Variants in SORL1 observed in about 807,000 individuals in gnomAD.
SORL1 encodes the protein sortilin-related receptor.
In SORL1, 127 loss-of-function variants were observed where a neutral mutation model predicts 273.7. The ratio of observed to expected loss-of-function variants is 0.46; its 90% CI spans 0.40 to 0.54. The LOEUF (loss-of-function observed/expected upper bound fraction) is 0.54, where lower values mean the gene tolerates loss of function less well. Ranked by LOEUF, SORL1 falls within the 20% of genes least tolerant of loss-of-function variation. The probability of loss-of-function intolerance (pLI) is 0.00; values close to 1 mark genes in which losing one functional copy is unlikely to be tolerated. For synonymous variants in SORL1, 1,031 were observed against 1,067.4 expected (o/e 0.97, Z 0.66); for missense variants, 2,494 against 2,846.1 (o/e 0.88, Z 2.81).
intron 1 of SORL1, among the ~76,000 whole-genome samples, chr11:121,456,687 A>C (rs1395755726): frequency 6.6e-6 from 1 of 152,104 alleles, no homozygotes; most frequent in Non-Finnish European, 1.5e-5. Context: ...TTTGGGGAAA[A>C]ATCCTTTGGA....
intron 32 of SORL1, among the ~76,000 whole-genome samples, chr11:121,598,370 C>A (rs1426052782): frequency 1.3e-5 from 2 of 152,140 alleles, no homozygotes; most frequent in Non-Finnish European, 2.9e-5. Flanking sequence ...TGAGGGTTTT[C>A]CCCAGGATGA....
chr11:121,459,486 CA>C (rs1860957772), intron 1 of SORL1, among the ~76,000 whole-genome samples: 1 of 152,094 alleles, frequency 6.6e-6, no homozygotes, highest in East Asian at 1.9e-4. Context: ...AGGAACTCAC[CA>C]GGGGGACCGT....
intron 14 of SORL1, among the ~76,000 whole-genome samples, chr11:121,547,729 C>T (rs1862455173): frequency 6.6e-6 from 1 of 152,006 alleles, no homozygotes; most frequent in African/African-American, 2.4e-5. Context: ...CCAATTGTTT[C>T]TCTGCTTGCT....
rs369003079 is a variant in SORL1, at chr11:121,622,122, A to G, written c.6065-40A>G. 2.2e-5 allele frequency: 24 copies of G among 1,079,182 alleles called. No homozygotes were observed. The East Asian group carries it at 5.0e-4, about 22-fold the overall frequency. 66.9% of individuals were successfully genotyped at this position (1,079,182 alleles called of 1,614,324 possible). On this transcript the variant is annotated intron_variant, in intron 44 of 47. Transcript: ENST00000260197. ...GACAAGAAAATAGAGTTTCAAATGT[A>G]TATCCACTAACCGCATCCCATCTCA...
rs1183944862 is a variant in SORL1 at position 121,586,282 on chromosome 11, G to A, written c.3767G>A (p.Cys1256Tyr). ...NGTCIPSSKH[C>Y]DGLRDCSDGS... ...ACTTGCATCCCATCCAGCAAACATTGTGATGGTCTGCGTGATTGCTCTGAT... is the reference window on the plus strand; with the variant it reads ...ACTTGCATCCCATCCAGCAAACATTATGATGGTCTGCGTGATTGCTCTGAT... Residue 1256 changes from cysteine (C) to tyrosine (Y), a missense_variant, in exon 27 of 48, where the codon TGT becomes TAT. By Grantham distance (194) the Cys-to-Tyr change is radical. Transcript: ENST00000260197. The A allele has an allele frequency of 6.2e-7, 1 of 1,614,164 alleles. No homozygotes were observed.
intron 1 of SORL1, among the ~76,000 whole-genome samples, chr11:121,457,111 G>C (rs1860918497): frequency 6.6e-6 from 1 of 152,160 alleles, no homozygotes; most frequent in Non-Finnish European, 1.5e-5. Context: ...GTTCCACTTG[G>C]CGTCTTTTCT....
rs374368278 is a variant in SORL1, at chr11:121,618,723, A to T, written c.5605-51A>T. On this transcript the variant is annotated intron_variant, in intron 41 of 47. Transcript: ENST00000260197. Reference sequence around the variant, plus strand: ...TTAAATTGGGGATTTCAAGGAAATGAGATCATCGGCCCATGAGCTGATGTC... The same window carrying T: ...TTAAATTGGGGATTTCAAGGAAATGTGATCATCGGCCCATGAGCTGATGTC... The T allele has an allele frequency of 1.6e-5, 26 of 1,610,218 alleles. No individual in the cohort carries two copies. The African/African-American group carries it at 3.5e-4, about 22-fold the overall frequency.
chr11:121,475,809 A>G (rs1163035407), intron 2 of SORL1, among the ~76,000 whole-genome samples: 1 of 152,178 alleles, frequency 6.6e-6, no homozygotes, highest in Non-Finnish European at 1.5e-5. Flanking sequence ...GTTTTTGTTT[A>G]TCTCTTAAAT....
Position 121,577,360 on chromosome 11 carries a change from C to T in SORL1, c.3540C>T (p.Asp1180=), listed in dbSNP as rs1862948017. ...GCTCCTCCTGGGTATGTGACGGGGACAACGACTGCAGGGACTGGTCTGATG... is the reference window on the plus strand; with the variant it reads ...GCTCCTCCTGGGTATGTGACGGGGATAACGACTGCAGGGACTGGTCTGATG... ...CIRSSWVCDG[D]NDCRDWSDEA... is the part of the protein sequence containing the mutation. The change falls in exon 25 of 48, where the codon GAC becomes GAT. Residue 1180 remains aspartate, a synonymous_variant. Transcript: ENST00000260197. 1 of 1,613,424 alleles carries T rather than the reference C, an allele frequency of 6.2e-7. No homozygotes were observed. Among genetic ancestry groups the T allele is most frequent in the African/African-American group, 1.3e-5 (1 of 75,000 alleles).
rs57842880 is a variant in SORL1, at chr11:121,502,124, C to CTTTTTTT, written c.939+5098_939+5104dup. Among the ~76,000 whole-genome samples, 500 of 65,158 alleles carry CTTTTTTT rather than the reference C, an allele frequency of 7.7e-3. 113 individuals carry two copies. Among genetic ancestry groups the CTTTTTTT allele is most frequent in the East Asian group, 0.017 (36 of 2,144 alleles). 42.7% of individuals were successfully genotyped at this position (65,158 alleles called of 152,430 possible). ...GTAACTACTGGGTCATGTGACAATT[C>CTTTTTTT]TTTTTTTTTTTTTTTTTTTTTTTTT... On this transcript the variant is annotated intron_variant, in intron 6 of 47. Transcript: ENST00000260197.
intron 22 of SORL1, 28 bp from the exon 23 acceptor site, chr11:121,570,129 T>G (rs777294378): frequency 7.1e-5 from 106 of 1,487,954 alleles, no homozygotes. Context: ...TGGTTTCATT[T>G]CCTCCCCTGC....
chr11:121,550,338 C>T lies in SORL1; in HGVS notation c.2181-247C>T, dbSNP rs1000080868. Among the ~76,000 whole-genome samples, 3 of 152,180 alleles carry T rather than the reference C, an allele frequency of 2.0e-5. No homozygotes were observed. The highest frequency in any genetic ancestry group is 7.2e-5 in the African/African-American group (3 of 41,446). Reference sequence around the variant, plus strand: ...ATCAACTTCAGCAGGGAAACATCTTCAGAGGAATGTATTCAAGAGATATAT... The same window carrying T: ...ATCAACTTCAGCAGGGAAACATCTTTAGAGGAATGTATTCAAGAGATATAT... On this transcript the variant is annotated intron_variant, in intron 15 of 47. Coordinates refer to ENST00000260197, the MANE Select transcript of SORL1 (RefSeq NM_003105.6). This position sits in a 1 kb window ranked among gnomAD's most constrained non-coding sequence, Gnocchi z 5.3.
intron 36 of SORL1, 37 bp from the exon 37 acceptor site, chr11:121,607,149 G>C (rs1863489729): frequency 5.9e-6 from 8 of 1,348,218 alleles, no homozygotes; most frequent in Non-Finnish European, 8.5e-6. Flanking sequence ...TGGACCTTTG[G>C]TTCCCTTTAC....
Position 121,481,173 on chromosome 11 carries a change from C to T in SORL1, c.528+2930C>T, listed in dbSNP as rs867109977. 1.6e-4 allele frequency among the ~76,000 whole-genome samples: 20 copies of T among 124,022 alleles called. 1 individual carries two copies. The highest frequency in any genetic ancestry group is 5.9e-4 in the African/African-American group (17 of 28,984). The allele number at this position is 124,022 out of a possible 152,430, so 81.4% of individuals were successfully genotyped here. On this transcript the variant is annotated intron_variant, in intron 3 of 47. Transcript: ENST00000260197. ...AGCTTCTTCCGTAGTGCACAGATAC[C>T]TATAGGCAGGCTCCATCTCCTCCTC...
At chr11:121,497,556 A>G (rs1861651637) in intron 6 of SORL1, among the ~76,000 whole-genome samples, 1 of 152,224 alleles carries the variant, frequency 6.6e-6, no homozygotes, top group Admixed American at 6.5e-5. Flanking sequence ...TCCAGCTGTC[A>G]GTAAGTAGCT....
intron 8 of SORL1, among the ~76,000 whole-genome samples, chr11:121,519,960 A>G (rs1862014743): frequency 6.6e-6 from 1 of 152,162 alleles, no homozygotes; most frequent in Admixed American, 6.5e-5. Flanking sequence ...TTAAAATAGC[A>G]GATTATCTGG....
At chr11:121,491,038 A>G (rs1219241102) in intron 5 of SORL1, among the ~76,000 whole-genome samples, 1 of 152,170 alleles carries the variant, frequency 6.6e-6, no homozygotes, top group Non-Finnish European at 1.5e-5. Flanking sequence ...AACAGGTAGG[A>G]TGTCCCTGTG....
At chr11:121,598,029 G>A (rs957151563) in intron 32 of SORL1, among the ~76,000 whole-genome samples, 2 of 152,212 alleles carry the variant, frequency 1.3e-5, no homozygotes, top group African/African-American at 4.8e-5. Context: ...CCTGTAGAGT[G>A]GCTGTGGGTG....
chr11:121,570,411 C>T (rs1011303856), intron 23 of SORL1, 141 bp downstream of exon 23: 11 of 535,678 alleles, frequency 2.1e-5, no homozygotes, highest in Non-Finnish European at 1.0e-5. Flanking sequence ...GCTTAGATGA[C>T]AGAGAAAACA....
Sources: gnomAD v4.1 joint callset for allele counts (sites outside exome capture counted in the v4.1 genomes callset) on GRCh38, gnomAD v4.1.1 for gene constraint, Gnocchi (gnomAD v3.1) non-coding constraint, MANE v1.5 for transcripts, NCBI Gene and HGNC (gene_info 2026-07-23, HGNC 2026-07-21) for gene names.